Variants in MANEA observed in about 807,000 individuals in gnomAD.
The protein encoded by MANEA is glycoprotein endo-alpha-1,2-mannosidase.
Under a neutral mutation model 36.8 loss-of-function variants are expected in MANEA, and 25 were observed. The observed-to-expected ratio is 0.68, with a 90% CI of 0.50 to 0.95. The LOEUF is 0.95. Ranked by LOEUF, MANEA falls within the 40% of genes least tolerant of loss-of-function variation. MANEA has a pLI of 0.00. For synonymous variants in MANEA, 198 were observed against 188.5 expected (o/e 1.05, Z -0.41); for missense variants, 565 against 558.8 (o/e 1.01, Z -0.11).
chr6:95,589,721 T>C (rs1237324331), intron 2 of MANEA, among the ~76,000 whole-genome samples: 1 of 152,124 alleles, frequency 6.6e-6, no homozygotes, highest in Non-Finnish European at 1.5e-5. Flanking sequence ...TTTTATACAG[T>C]TTACTAAAAC....
chr6:95,586,166 C>T (rs991739655), intron 1 of MANEA, among the ~76,000 whole-genome samples: 3 of 152,148 alleles, frequency 2.0e-5, no homozygotes, highest in Admixed American at 1.3e-4. Flanking sequence ...TTGGCATGTA[C>T]ATGGTGATAT....
At chr6:95,604,061 G>GGTGTGTGTGT (rs71012509) in intron 3 of MANEA, among the ~76,000 whole-genome samples, 9,615 of 138,290 alleles carry the variant, frequency 0.07, 491 homozygotes, top group Non-Finnish European at 0.091. Context: ...TATGTATGTA[G>GGTGTGTGTGT]GTGTGTGTGT....
chr6:95,579,135 C>T (rs1769131212), intron 1 of MANEA, among the ~76,000 whole-genome samples: 1 of 152,144 alleles, frequency 6.6e-6, no homozygotes, highest in Admixed American at 6.5e-5. Flanking sequence ...CTTTGGGAGG[C>T]CGAAGTGGGT....
At chr6:95,589,641 G>A (rs36064173) in intron 2 of MANEA, among the ~76,000 whole-genome samples, 8,811 of 152,006 alleles carry the variant, frequency 0.058, 326 homozygotes, top group Non-Finnish European at 0.081. Flanking sequence ...AAAATATTAC[G>A]TATCATGTAT....
intron 2 of MANEA, chr6:95,588,310 C>T (rs568443345): frequency 3.3e-5 from 5 of 151,966 alleles, no homozygotes; most frequent in Admixed American, 6.5e-5. Flanking sequence ...ACACAAGAGT[C>T]TTTGATGAAC....
At position 95,583,549 on chromosome 6, in the gene MANEA, TTTAC is replaced by T. The variant is rs1217291908; in HGVS notation, c.-38-2849_-38-2846del. On this transcript the variant is annotated intron_variant, in intron 1 of 4. Coordinates refer to ENST00000358812, the MANE Select transcript of MANEA (RefSeq NM_024641.4). ...GACGTATATATGTACACACACCATATTTACTTAAAGTTTGAAACAGACAAAATAC... is the reference window on the plus strand; with the variant it reads ...GACGTATATATGTACACACACCATATTTAAAGTTTGAAACAGACAAAATAC... Among the ~76,000 whole-genome samples the T allele has an allele frequency of 4.1e-5, 6 of 147,498 alleles. No individual in the cohort carries two copies. The East Asian group carries it at 5.8e-4, about 14-fold the overall frequency.
intron 1 of MANEA, among the ~76,000 whole-genome samples, chr6:95,579,297 C>T (rs550298552): frequency 2.6e-5 from 4 of 152,242 alleles, no homozygotes; most frequent in East Asian, 1.9e-4. Context: ...CGCTTGAACC[C>T]GGGAGGTGGA....
chr6:95,585,674 C>T (rs1182389737), intron 1 of MANEA, among the ~76,000 whole-genome samples: 2 of 152,166 alleles, frequency 1.3e-5, no homozygotes, highest in Non-Finnish European at 2.9e-5. Context: ...TTTTTCTCTA[C>T]TGTCATTTAA....
At chr6:95,602,671 T>C (rs984582738) in intron 3 of MANEA, among the ~76,000 whole-genome samples, 2 of 152,200 alleles carry the variant, frequency 1.3e-5, no homozygotes, top group African/African-American at 4.8e-5. Context: ...ATTGATCTAA[T>C]TGATTTTTCC....
At chr6:95,588,659 CTA>C (rs1769331919) in intron 2 of MANEA, among the ~76,000 whole-genome samples, 2 of 151,824 alleles carry the variant, frequency 1.3e-5, no homozygotes, top group South Asian at 4.1e-4. Context: ...GCTAAAAAAA[CTA>C]TGCTAGATTG....
chr6:95,595,225 A>G (rs1192453468), intron 2 of MANEA, among the ~76,000 whole-genome samples: 1 of 152,044 alleles, frequency 6.6e-6, no homozygotes, highest in Non-Finnish European at 1.5e-5. Context: ...TTTTGTTGTC[A>G]TTCTTATTTT....
intron 2 of MANEA, among the ~76,000 whole-genome samples, chr6:95,594,184 G>A (rs552806560): frequency 2.0e-5 from 3 of 152,230 alleles, no homozygotes; most frequent in Admixed American, 6.5e-5. Flanking sequence ...TTAAAGGAAC[G>A]AATATTTCTT....
chr6:95,602,218 G>A (rs12663784), intron 3 of MANEA, among the ~76,000 whole-genome samples: 10,148 of 152,180 alleles, frequency 0.067, 820 homozygotes, highest in East Asian at 0.29. Flanking sequence ...CACCTGCTAC[G>A]TGTCAGATAC....
intron 1 of MANEA, among the ~76,000 whole-genome samples, chr6:95,585,908 A>T (rs28750136): frequency 0.091 from 13,854 of 152,018 alleles, 1,313 homozygotes; most frequent in East Asian, 0.39. Flanking sequence ...CATACCTGTA[A>T]TCCTAGCAAT....
At chr6:95,581,037 C>A (rs577206167) in intron 1 of MANEA, among the ~76,000 whole-genome samples, 20 of 152,166 alleles carry the variant, frequency 1.3e-4, no homozygotes, top group Admixed American at 3.3e-4. Context: ...TAACTAATTT[C>A]ATCCTCACAA....
chr6:95,578,917 G>A (rs1769126459), intron 1 of MANEA, among the ~76,000 whole-genome samples: 1 of 152,148 alleles, frequency 6.6e-6, no homozygotes, highest in African/African-American at 2.4e-5. Flanking sequence ...CTTAAAGGAA[G>A]GCAGAATAGC....
chr6:95,581,280 A>C (rs1485271303), intron 1 of MANEA, among the ~76,000 whole-genome samples: 2 of 152,312 alleles, frequency 1.3e-5, no homozygotes, highest in Non-Finnish European at 2.9e-5. Flanking sequence ...TCATCTCTTA[A>C]AATTGAGCTT....
chr6:95,591,946 C>T (rs1769392278), intron 2 of MANEA, among the ~76,000 whole-genome samples: 1 of 152,222 alleles, frequency 6.6e-6, no homozygotes, highest in African/African-American at 2.4e-5. Flanking sequence ...TCGTTATCCA[C>T]CTGCCTGGGC....
At chr6:95,580,351 TAA>T (rs1377703509) in intron 1 of MANEA, among the ~76,000 whole-genome samples, 1 of 152,132 alleles carries the variant, frequency 6.6e-6, no homozygotes, top group East Asian at 1.9e-4. Flanking sequence ...AATGTGAAGA[TAA>T]AGACTCCATT....
Sources: gnomAD v4.1 joint callset for allele counts (sites outside exome capture counted in the v4.1 genomes callset) on GRCh38, gnomAD v4.1.1 for gene constraint, MANE v1.5 for transcripts, NCBI Gene and HGNC (gene_info 2026-07-23, HGNC 2026-07-21) for gene names.